The following SMG1 variants were observed in gnomAD, a reference collection of about 807,000 sequenced individuals.
SMG1 encodes SMG1 nonsense mediated mRNA decay associated PI3K related kinase, also known as serine/threonine-protein kinase SMG1.
SMG1 carries 22 observed loss-of-function variants against 419.9 expected under a neutral mutation model. The observed-to-expected ratio is 0.05, with a 90% confidence interval of 0.04 to 0.07. The LOEUF is 0.07. Ranked by LOEUF, SMG1 falls within the 10% of genes least tolerant of loss-of-function variation. The pLI is 1.00. For missense variants in SMG1, 3,185 were observed against 4,342.0 expected (o/e 0.73, Z 7.49); for synonymous variants, 1,538 against 1,553.5 (o/e 0.99, Z 0.23).
rs767089560 is a variant in SMG1 at position 18,852,116 on chromosome 16, C to A, written c.5003G>T (p.Arg1668Ile). ...PDTITEEEKE[R>I]IYGILGQAVC... ...AGCCTGTCCAAGAATACCATATATT[C>A]TCTCTTTCTCTTCCTCAGTTATAGT... The change falls in exon 33 of 63, where the codon AGA becomes ATA. Residue 1668 changes from arginine to isoleucine, a missense_variant. Physicochemically the swap from Arg to Ile is moderately conservative, Grantham distance 97. This residue lies in a region of SMG1 where 493 missense variants were observed against 552.9 expected (regional missense o/e 0.89). Coordinates refer to ENST00000446231, the MANE Select transcript of SMG1 (RefSeq NM_015092.5). 3 of 1,613,638 alleles carry A rather than the reference C, an allele frequency of 1.9e-6. No individual in the cohort carries two copies. Among genetic ancestry groups the A allele is most frequent in the African/African-American group, 2.7e-5 (2 of 74,900 alleles).
intron 55 of SMG1, among the ~76,000 whole-genome samples, chr16:18,827,470 T>G (rs1003725710): frequency 2.2e-5 from 3 of 138,236 alleles, no homozygotes; most frequent in African/African-American, 8.0e-5. Flanking sequence ...ATATATATAT[T>G]TTTATATATA....
In SMG1 at chr16:18,869,164, C is replaced by T; in HGVS notation, c.2773G>A (p.Val925Ile). ...AGTGGGGTTCTCAGCTTAGAAAGAA[C>T]AGTGAATTGTGCAGCTTCCCATATG... is the stretch of plus-strand genomic sequence containing the variant. Reference protein sequence around the residue: ...WAIWEAAQFTVLSKLRTPLGR... With the variant: ...WAIWEAAQFTILSKLRTPLGR... The change falls in exon 20 of 63, where the codon GTT becomes ATT. Residue 925 changes from valine to isoleucine, a missense_variant. By Grantham distance (29) the Val-to-Ile change is conservative (BLOSUM62 3). Around this residue, in one of 27 missense-constraint regions of SMG1, gnomAD observed 48 missense variants for 48.8 expected, o/e 0.98. Coordinates refer to ENST00000446231, the MANE Select transcript of SMG1 (RefSeq NM_015092.5). 1 of 1,611,654 alleles carries T rather than the reference C, an allele frequency of 6.2e-7. No homozygotes were observed. Among genetic ancestry groups the T allele is most frequent in the East Asian group, 2.2e-5 (1 of 44,862 alleles).
At chr16:18,908,883 A>G (rs2037685159) in intron 1 of SMG1, among the ~76,000 whole-genome samples, 1 of 152,062 alleles carries the variant, frequency 6.6e-6, no homozygotes, top group South Asian at 2.1e-4. Context: ...CCGCCTCAAA[A>G]AAAAAAAAAA....
Position 18,863,702 on chromosome 16 carries a change from T to C in SMG1, c.3643A>G (p.Lys1215Glu). 6.3e-7 allele frequency: 1 copy of C among 1,594,042 alleles called. No homozygotes were observed. Among genetic ancestry groups the C allele is most frequent in the Non-Finnish European group, 8.5e-7 (1 of 1,177,464 alleles). The change falls in exon 25 of 63, where the codon AAG (lysine) becomes GAG (glutamate). Residue 1215 changes from lysine to glutamate, a missense_variant. Transcript: ENST00000446231. The part of the protein sequence containing the change: ...EWQNAIHDLK[K>E]STSSTSLNLK... The stretch of plus-strand genomic sequence containing the variant: ...TTGAGGGAAGTGCTACTGGTACTCT[T>C]TTTCAAGTCATGGATAGCGTTCTGC...
chr16:18,877,273 A>G, intron 11 of SMG1, 41 bp from the exon 12 acceptor site: 1 of 1,414,892 alleles, frequency 7.1e-7, no homozygotes, highest in Non-Finnish European at 9.6e-7. Flanking sequence ...TTCTCCAATT[A>G]CAAAAAGACA....
chr16:18,876,664 G>GTTT (rs59861986), intron 12 of SMG1, among the ~76,000 whole-genome samples: 119 of 125,714 alleles, frequency 9.5e-4, no homozygotes, highest in African/African-American at 2.3e-3. Flanking sequence ...CGAAATGGCC[G>GTTT]TTTTTTTTTT....
chr16:18,841,518 T>C, intron 41 of SMG1, 47 bp downstream of exon 41: 3 of 1,563,852 alleles, frequency 1.9e-6, no homozygotes, highest in Non-Finnish European at 2.6e-6. Flanking sequence ...GTATTTCACA[T>C]AATAACAGAG....
intron 55 of SMG1, 97 bp from the exon 56 acceptor site, chr16:18,819,751 C>G: frequency 8.3e-7 from 1 of 1,202,196 alleles, no homozygotes; most frequent in Non-Finnish European, 1.1e-6. Context: ...TCAAAAGAAC[C>G]AGGGTGGACA....
chr16:18,864,589 A>G (rs1416790475), intron 23 of SMG1, among the ~76,000 whole-genome samples: 1 of 151,630 alleles, frequency 6.6e-6, no homozygotes, highest in African/African-American at 2.4e-5. Flanking sequence ...TTGCCCTCCC[A>G]GGCTCATGCA....
intron 10 of SMG1, among the ~76,000 whole-genome samples, chr16:18,880,374 A>G (rs2036328079): frequency 6.6e-6 from 1 of 152,176 alleles, no homozygotes; most frequent in Non-Finnish European, 1.5e-5. Flanking sequence ...TTTAACAACC[A>G]ATACATACAG....
intron 62 of SMG1, among the ~76,000 whole-genome samples, chr16:18,810,058 A>C (rs1179671842): frequency 6.6e-6 from 1 of 152,190 alleles, no homozygotes; most frequent in Non-Finnish European, 1.5e-5. Flanking sequence ...AAAAGAAAAA[A>C]AAAATTCCTT....
chr16:18,815,295 T>C lies in SMG1; in HGVS notation c.10515-14A>G. On this transcript the variant is annotated splice_polypyrimidine_tract_variant and intron_variant, in intron 59 of 62. Coordinates refer to ENST00000446231, the MANE Select transcript of SMG1 (RefSeq NM_015092.5). ...TTATTATAGATACTGAAATACAAAA[T>C]AAAATGGCTTATTTACGAAATGTTT... The C allele has an allele frequency of 6.4e-7, 1 of 1,552,296 alleles. No homozygotes were observed. The highest frequency in any genetic ancestry group is 8.8e-7 in the Non-Finnish European group (1 of 1,141,586).
At chr16:18,879,383 G>A (rs1458072743) in intron 11 of SMG1, 112 bp downstream of exon 11, 18 of 973,640 alleles carry the variant, frequency 1.8e-5, no homozygotes, top group Non-Finnish European at 2.7e-5. Context: ...CCAAAGTGCT[G>A]GGATTACAAG....
intron 13 of SMG1, 72 bp from the exon 14 acceptor site, chr16:18,872,696 C>T: frequency 8.1e-7 from 1 of 1,231,364 alleles, no homozygotes; most frequent in African/African-American, 1.5e-5. Flanking sequence ...GTTTATCCTT[C>T]AAAATAGGGG....
At chr16:18,886,906 G>A (rs1295714973) in intron 6 of SMG1, among the ~76,000 whole-genome samples, 1 of 152,058 alleles carries the variant, frequency 6.6e-6, no homozygotes, top group Non-Finnish European at 1.5e-5. Flanking sequence ...ACATCTTAGG[G>A]GTAATTACAG....
intron 33 of SMG1, among the ~76,000 whole-genome samples, chr16:18,851,606 A>T (rs1055583428): frequency 6.6e-6 from 1 of 152,204 alleles, no homozygotes; most frequent in Non-Finnish European, 1.5e-5. Context: ...TGTCACCCAG[A>T]CTGGAGTGCA....
At position 18,841,580 on chromosome 16, in the gene SMG1, G is replaced by C. The variant is rs2033931070; in HGVS notation, c.6681C>G (p.Ala2227=). ...LYKRWQQREA[A]LQAQKAQDSY... ...TTTAATCAACCTTTTGTGCTTGTAA[G>C]GCAGCTTCCCGTTGTTGCCATCGTT... The change falls in exon 41 of 63, where the codon GCC becomes GCG. Residue 2227 remains alanine, a synonymous_variant. Transcript: ENST00000446231. 2 of 1,613,666 alleles carry C rather than the reference G, an allele frequency of 1.2e-6. No homozygotes were observed. Among genetic ancestry groups the C allele is most frequent in the South Asian group, 1.1e-5 (1 of 91,066 alleles).
intron 13 of SMG1, chr16:18,875,898 A>G (rs1258386094): frequency 7.2e-6 from 4 of 553,890 alleles, no homozygotes; most frequent in Non-Finnish European, 1.3e-5. Context: ...AAACTAATAT[A>G]AAAAAACTTA....
intron 56 of SMG1, among the ~76,000 whole-genome samples, chr16:18,818,384 T>A (rs2032210420): frequency 1.3e-5 from 2 of 151,516 alleles, no homozygotes; most frequent in Admixed American, 1.3e-4. Flanking sequence ...AAACTCCGTC[T>A]CAAAAAAAAC....
Sources: gnomAD v4.1 joint callset for allele counts (sites outside exome capture counted in the v4.1 genomes callset) on GRCh38, gnomAD v4.1.1 for gene constraint, gnomAD v4.1.1 regional missense constraint, MANE v1.5 for transcripts, NCBI Gene and HGNC (gene_info 2026-07-23, HGNC 2026-07-21) for gene names.